The following KDM4C variants were observed in gnomAD, a reference collection of about 807,000 sequenced individuals.
KDM4C encodes lysine demethylase 4C.
KDM4C carries 81 observed loss-of-function variants against 129.3 expected under a neutral mutation model. The observed-to-expected ratio is 0.63, with a 90% CI of 0.52 to 0.75. The LOEUF (loss-of-function observed/expected upper bound fraction) is 0.75. Among genes scored for constraint, KDM4C ranks in the 30% least tolerant of loss-of-function variants. The pLI, the probability that KDM4C is intolerant of heterozygous loss-of-function variation, is 0.00. For synonymous variants in KDM4C, 573 were observed against 456.1 expected, an observed-to-expected ratio of 1.26 and a Z score of -3.26; for missense variants, 1,457 against 1,304.0, an observed-to-expected ratio of 1.12 and a Z score of -1.81.
At chr9:6,781,399 A>G (rs1359357295) in intron 1 of KDM4C, among the ~76,000 whole-genome samples, 1 of 151,934 alleles carries the variant, frequency 6.6e-6, no homozygotes, top group Non-Finnish European at 1.5e-5. Flanking sequence ...TTTTTTAAAG[A>G]CACTGTATTT....
chr9:7,120,255 A>G lies in KDM4C; in HGVS notation c.2611-7811A>G, dbSNP rs569136334. On this transcript the variant is annotated intron_variant, in intron 18 of 21. Transcript: ENST00000381309. ...GTGCCTTTGATGAAGCAGTCCAGGTATTAGGAACATACTTTCCTCCTTCTT... is the reference window on the plus strand; with the variant it reads ...GTGCCTTTGATGAAGCAGTCCAGGTGTTAGGAACATACTTTCCTCCTTCTT... 7.1e-4 allele frequency among the ~76,000 whole-genome samples: 108 copies of G among 152,154 alleles called. 3 individuals carry two copies. The highest frequency in any genetic ancestry group is 9.2e-4 in the Admixed American group (14 of 15,272).
intron 1 of KDM4C, among the ~76,000 whole-genome samples, chr9:6,786,621 A>C (rs1825554533): frequency 1.3e-5 from 2 of 152,324 alleles, no homozygotes; most frequent in South Asian, 4.1e-4. Flanking sequence ...ACATTACTGG[A>C]AGAACATTTT....
At chr9:6,867,408 A>AC (rs1274250321) in intron 5 of KDM4C, among the ~76,000 whole-genome samples, 6 of 152,230 alleles carry the variant, frequency 3.9e-5, no homozygotes, top group African/African-American at 1.4e-4. Context: ...AGAAACCACA[A>AC]TTGATATTTG....
intron 1 of KDM4C, among the ~76,000 whole-genome samples, chr9:6,770,529 A>G (rs60859094): frequency 0.051 from 7,681 of 151,812 alleles, 231 homozygotes; most frequent in East Asian, 0.13. Flanking sequence ...TCAGTGTCAC[A>G]GATTGCATAT....
At chr9:7,046,353 C>T (rs1404017363) in intron 15 of KDM4C, among the ~76,000 whole-genome samples, 7 of 151,778 alleles carry the variant, frequency 4.6e-5, no homozygotes, top group African/African-American at 1.2e-4. Context: ...AAGAGTGAGG[C>T]GCAAGTGTTA....
At chr9:6,899,066 T>G (rs552707432) in intron 8 of KDM4C, among the ~76,000 whole-genome samples, 192 of 152,228 alleles carry the variant, frequency 1.3e-3, no homozygotes, top group Non-Finnish European at 2.2e-3. Context: ...GCATTTTTTT[T>G]TTTTTTACCT....
intron 8 of KDM4C, chr9:6,942,311 G>GTGTGTC (rs1018306314): frequency 6.6e-6 from 1 of 152,384 alleles, no homozygotes; most frequent in Non-Finnish European, 1.5e-5. Context: ...GTGTGTGTGT[G>GTGTGTC]TGTGTGTGTG....
At chr9:6,784,804 G>C (rs1336760199) in intron 1 of KDM4C, among the ~76,000 whole-genome samples, 1 of 152,204 alleles carries the variant, frequency 6.6e-6, no homozygotes, top group Non-Finnish European at 1.5e-5. Flanking sequence ...TGCTTTCTAA[G>C]CTGGGGCCCA....
chr9:7,147,942 GC>G (rs1842363869), intron 19 of KDM4C, among the ~76,000 whole-genome samples: 1 of 152,216 alleles, frequency 6.6e-6, no homozygotes, highest in South Asian at 2.1e-4. Context: ...AGCCCAGCAG[GC>G]TGTGCTCGGC....
At chr9:7,050,442 C>CA (rs71500910) in intron 17 of KDM4C, among the ~76,000 whole-genome samples, 1,767 of 78,292 alleles carry the variant, frequency 0.023, 90 homozygotes, top group Middle Eastern at 0.15. Flanking sequence ...CCCAGATTAC[C>CA]AAAAAAAAAA....
chr9:7,074,964 C>A (rs1270366988), intron 17 of KDM4C, among the ~76,000 whole-genome samples: 1 of 152,114 alleles, frequency 6.6e-6, no homozygotes, highest in Non-Finnish European at 1.5e-5. Context: ...CCATACCCAG[C>A]GAATGGATGA....
At position 7,002,234 on chromosome 9, in the gene KDM4C, G is replaced by A. The variant is rs116991677; in HGVS notation, c.1787-9464G>A. ...AACTCCATAAAGGGAAAGGGCTGTT[G>A]CTTTTAATTTCTTATTTCCAGAATC... On this transcript the variant is annotated intron_variant, in intron 12 of 21. Transcript: ENST00000381309. 2.3e-4 allele frequency among the ~76,000 whole-genome samples: 35 copies of A among 152,228 alleles called. No individual in the cohort carries two copies. The East Asian group carries it at 6.4e-3, about 28-fold the overall frequency.
chr9:7,136,920 C>T (rs1443869745), intron 19 of KDM4C, among the ~76,000 whole-genome samples: 1 of 152,082 alleles, frequency 6.6e-6, no homozygotes, highest in Admixed American at 6.5e-5. Flanking sequence ...AATATTTTTT[C>T]CTCAGAGCTC....
Position 6,900,408 on chromosome 9 carries a change from G to A in KDM4C, c.921+7176G>A, listed in dbSNP as rs1817193122. ...TTCAGAATGGTCTTGTCCCATGAAAGCTGTAGCTGATGTCACCACCAAGTG... is the reference window on the plus strand; with the variant it reads ...TTCAGAATGGTCTTGTCCCATGAAAACTGTAGCTGATGTCACCACCAAGTG... On this transcript the variant is annotated intron_variant, in intron 8 of 21. Coordinates refer to ENST00000381309, the MANE Select transcript of KDM4C (RefSeq NM_015061.6). 2.6e-5 allele frequency among the ~76,000 whole-genome samples: 4 copies of A among 152,224 alleles called. No individual in the cohort carries two copies. In the South Asian group the frequency reaches 8.3e-4, roughly 32 times the overall value.
chr9:7,110,307 G>A (rs1358595960), intron 18 of KDM4C, among the ~76,000 whole-genome samples: 2 of 152,226 alleles, frequency 1.3e-5, no homozygotes, highest in African/African-American at 4.8e-5. Context: ...TTTGAGTGCT[G>A]GCTAATTTAG....
At chr9:6,738,500 C>A (rs1020522438) in intron 1 of KDM4C, among the ~76,000 whole-genome samples, 1 of 152,166 alleles carries the variant, frequency 6.6e-6, no homozygotes, top group Non-Finnish European at 1.5e-5. Flanking sequence ...ATGGCAAGAT[C>A]AGAGGTCACT....
At chr9:7,104,933 G>T (rs928428381) in intron 18 of KDM4C, among the ~76,000 whole-genome samples, 1 of 152,194 alleles carries the variant, frequency 6.6e-6, no homozygotes, top group African/African-American at 2.4e-5. Flanking sequence ...TTGTGGGCTG[G>T]GGATCTGGGC....
At chr9:6,866,026 T>TACAGGCGTGAGC (rs1841904398) in intron 5 of KDM4C, among the ~76,000 whole-genome samples, 1 of 152,080 alleles carries the variant, frequency 6.6e-6, no homozygotes, top group Non-Finnish European at 1.5e-5. Flanking sequence ...GTGCTGGGAT[T>TACAGGCGTGAGC]CACCGTGCCT....
chr9:7,003,947 T>C (rs920676274), intron 12 of KDM4C, among the ~76,000 whole-genome samples: 24 of 152,236 alleles, frequency 1.6e-4, no homozygotes, highest in African/African-American at 5.8e-4. Context: ...TTTGAAACCA[T>C]ATATAAATGC....
Sources: allele counts gnomAD v4.1 joint callset (sites outside exome capture counted in the v4.1 genomes callset), GRCh38; gene constraint gnomAD v4.1.1; transcripts MANE v1.5; gene names NCBI Gene and HGNC (gene_info 2026-07-23, HGNC 2026-07-21).